Variants in POT1 observed in about 807,000 individuals in gnomAD.
The protein encoded by POT1 is protection of telomeres protein 1.
Under a neutral mutation model 78.5 loss-of-function variants are expected in POT1, and 47 were observed. The ratio of observed to expected loss-of-function variants is 0.60; its 90% CI spans 0.47 to 0.76. The LOEUF is 0.76. Ranked by LOEUF, POT1 falls within the 30% of genes least tolerant of loss-of-function variation. The probability of loss-of-function intolerance (pLI) is 0.00; values close to 1 mark genes in which losing one functional copy is unlikely to be tolerated. For missense variants in POT1, 646 were observed against 749.9 expected (o/e 0.86, Z 1.62); for synonymous variants, 259 against 260.7 (o/e 0.99, Z 0.06).
At chr7:124,871,672 A>G (rs545744077) in intron 6 of POT1, among the ~76,000 whole-genome samples, 1 of 152,162 alleles carries the variant, frequency 6.6e-6, no homozygotes, top group Admixed American at 6.5e-5. Context: ...TTGGGTTGCT[A>G]TAAAACGATA....
chr7:124,896,434 A>C (rs1404993175), intron 5 of POT1, among the ~76,000 whole-genome samples: 1 of 151,780 alleles, frequency 6.6e-6, no homozygotes, highest in Non-Finnish European at 1.5e-5. Flanking sequence ...TATTGGTAAC[A>C]GTTCCCCCAA....
At chr7:124,926,058 T>C (rs760399329) in intron 2 of POT1, among the ~76,000 whole-genome samples, 5 of 152,150 alleles carry the variant, frequency 3.3e-5, no homozygotes, top group African/African-American at 4.8e-5. Context: ...AAACAATTCA[T>C]GACTAAGACC....
At chr7:124,851,383 T>G (rs1034996696) in intron 11 of POT1, among the ~76,000 whole-genome samples, 1 of 152,186 alleles carries the variant, frequency 6.6e-6, no homozygotes, top group Admixed American at 6.5e-5. Context: ...AAGTTCAGAT[T>G]TGACTAGTCA....
chr7:124,881,108 T>C (rs941729960), intron 6 of POT1, among the ~76,000 whole-genome samples: 11 of 152,024 alleles, frequency 7.2e-5, no homozygotes, highest in African/African-American at 2.4e-4. Context: ...AAGAGATGTG[T>C]AGTTAGGCGA....
intron 14 of POT1, 38 bp downstream of exon 14, chr7:124,840,935 A>T: frequency 6.9e-7 from 1 of 1,455,132 alleles, no homozygotes; most frequent in East Asian, 2.3e-5. Flanking sequence ...AATATGCAAA[A>T]GGAGTATTCT....
intron 8 of POT1, among the ~76,000 whole-genome samples, chr7:124,861,918 G>C (rs377322210): frequency 6.6e-6 from 1 of 152,070 alleles, no homozygotes; most frequent in Non-Finnish European, 1.5e-5. Context: ...GATTGTAGAT[G>C]TGTGGCGTTA....
intron 2 of POT1, among the ~76,000 whole-genome samples, chr7:124,924,956 C>T (rs1323302986): frequency 6.6e-6 from 1 of 151,928 alleles, no homozygotes; most frequent in African/African-American, 2.4e-5. Context: ...AGAGAAGGAA[C>T]ATCCCTCAAC....
intron 6 of POT1, among the ~76,000 whole-genome samples, chr7:124,891,969 G>A (rs1426473418): frequency 3.3e-5 from 5 of 151,402 alleles, no homozygotes; most frequent in Non-Finnish European, 7.4e-5. Context: ...GCAGTATTCT[G>A]CATTTGTTTA....
intron 6 of POT1, among the ~76,000 whole-genome samples, chr7:124,883,941 C>T (rs559902642): frequency 1.3e-5 from 2 of 151,414 alleles, no homozygotes; most frequent in South Asian, 2.1e-4. Context: ...ATTAATTACT[C>T]AGTAATTAAT....
At chr7:124,839,485 A>G (rs1281632263) in intron 14 of POT1, among the ~76,000 whole-genome samples, 1 of 152,204 alleles carries the variant, frequency 6.6e-6, no homozygotes, top group African/African-American at 2.4e-5. Flanking sequence ...CTTTGTATTT[A>G]TATCGTTTTC....
chr7:124,824,498 G>A (rs1321592733), intron 18 of POT1, among the ~76,000 whole-genome samples: 1 of 151,702 alleles, frequency 6.6e-6, no homozygotes, highest in Non-Finnish European at 1.5e-5. Flanking sequence ...AGTTAAACTT[G>A]GTTAGAGATC....
At chr7:124,906,448 T>C (rs1161164801) in intron 3 of POT1, among the ~76,000 whole-genome samples, 3 of 132,628 alleles carry the variant, frequency 2.3e-5, no homozygotes, top group African/African-American at 5.8e-5. Context: ...ATGAGAACAC[T>C]TGGACACAGG....
chr7:124,909,102 G>T (rs895813734), intron 3 of POT1, among the ~76,000 whole-genome samples: 1 of 151,564 alleles, frequency 6.6e-6, no homozygotes, highest in African/African-American at 2.4e-5. Context: ...GGAGAAAAAA[G>T]GTATTAATAA....
chr7:124,850,126 G>A (rs1361058045), intron 11 of POT1, among the ~76,000 whole-genome samples: 2 of 152,154 alleles, frequency 1.3e-5, no homozygotes, highest in East Asian at 1.9e-4. Context: ...GTCTCCAAGT[G>A]ATTTGTCATC....
In POT1 at chr7:124,870,943, TTTTATAAATTA is replaced by T; in HGVS notation, c.212_222del (p.Ile71LysfsTer16). 6.2e-7 allele frequency: 1 copy of T among 1,608,500 alleles called. No homozygotes were observed. Among genetic ancestry groups the T allele is most frequent in the Non-Finnish European group, 8.5e-7 (1 of 1,177,064 alleles). On this transcript the variant is annotated frameshift_variant, in exon 7 of 19. Coordinates refer to ENST00000357628, the MANE Select transcript of POT1 (RefSeq NM_015450.3). LOFTEE classifies it high-confidence loss of function. Reference sequence around the variant, plus strand: ...CTGTGAAAGCGAACAATATCTCCATTTTTATAAATTATTGGAAGGGCTTCATAGTTTCCACT... The same window carrying T: ...CTGTGAAAGCGAACAATATCTCCATTTTGGAAGGGCTTCATAGTTTCCACT...
chr7:124,847,728 G>A (rs896098590), intron 11 of POT1, among the ~76,000 whole-genome samples: 1 of 152,172 alleles, frequency 6.6e-6, no homozygotes, highest in African/African-American at 2.4e-5. Context: ...AAATTAAATA[G>A]AGAGCCTGGA....
chr7:124,928,577 C>T (rs1000029700), intron 2 of POT1, among the ~76,000 whole-genome samples: 5 of 152,108 alleles, frequency 3.3e-5, no homozygotes, highest in African/African-American at 4.8e-5. Flanking sequence ...TCTTTAGTTC[C>T]GGGACTATAT....
At chr7:124,840,071 C>T (rs1411499380) in intron 14 of POT1, among the ~76,000 whole-genome samples, 1 of 151,520 alleles carries the variant, frequency 6.6e-6, no homozygotes, top group Non-Finnish European at 1.5e-5. Context: ...TTTCCGTATC[C>T]CCTTCTACCA....
At chr7:124,825,179 T>G (rs572810901) in intron 18 of POT1, 73 bp downstream of exon 18, 22 of 902,394 alleles carry the variant, frequency 2.4e-5, no homozygotes, top group Non-Finnish European at 3.5e-5. Context: ...CTTCTAAAAG[T>G]CCACAGAGTA....
Sources: gnomAD v4.1 joint callset for allele counts (sites outside exome capture counted in the v4.1 genomes callset) on GRCh38, gnomAD v4.1.1 for gene constraint, MANE v1.5 for transcripts, NCBI Gene and HGNC (gene_info 2026-07-23, HGNC 2026-07-21) for gene names.